RPH3A: variants seen among roughly 807,000 people sequenced by gnomAD.
The protein encoded by RPH3A is rabphilin-3A.
Under a neutral mutation model 102.2 loss-of-function variants are expected in RPH3A, and 48 were observed. The ratio of observed to expected loss-of-function variants is 0.47; its 90% CI spans 0.37 to 0.60. The LOEUF (loss-of-function observed/expected upper bound fraction) is 0.60. Ranked by LOEUF, RPH3A falls within the 20% of genes least tolerant of loss-of-function variation. The pLI is 0.00. For missense variants in RPH3A, 781 were observed against 910.1 expected (o/e 0.86, Z 1.83); for synonymous variants, 310 against 324.3 (o/e 0.96, Z 0.47).
chr12:112,710,821 ATTTT>A (rs1432529236), intron 1 of RPH3A, among the ~76,000 whole-genome samples: 2 of 152,124 alleles, frequency 1.3e-5, no homozygotes, highest in South Asian at 4.1e-4. Flanking sequence ...GTTTCTGTGT[ATTTT>A]TTATTACCCT....
At chr12:112,706,846 T>G (rs1246297128) in intron 1 of RPH3A, among the ~76,000 whole-genome samples, 1 of 152,178 alleles carries the variant, frequency 6.6e-6, no homozygotes, top group Non-Finnish European at 1.5e-5. Flanking sequence ...AGACTTAAGC[T>G]TACTCCTGCA....
chr12:112,716,816 A>G (rs2040516480), intron 1 of RPH3A, among the ~76,000 whole-genome samples: 2 of 152,110 alleles, frequency 1.3e-5, no homozygotes, highest in African/African-American at 4.8e-5. Flanking sequence ...AAAATTTATT[A>G]TTTTTTCCTG....
chr12:112,751,384 G>A (rs951881896), intron 1 of RPH3A, among the ~76,000 whole-genome samples: 1 of 152,204 alleles, frequency 6.6e-6, no homozygotes, highest in South Asian at 2.1e-4. Flanking sequence ...GTTTGTAGTT[G>A]TGTGACGTTG....
intron 1 of RPH3A, among the ~76,000 whole-genome samples, chr12:112,638,396 CAT>C (rs1381569717): frequency 2.6e-5 from 4 of 152,142 alleles, no homozygotes; most frequent in Admixed American, 6.5e-5. Context: ...GTTACTTACG[CAT>C]ATCTTATCCC....
intron 1 of RPH3A, among the ~76,000 whole-genome samples, chr12:112,694,710 T>C (rs975087787): frequency 1.3e-5 from 2 of 151,812 alleles, no homozygotes; most frequent in Admixed American, 1.3e-4. Flanking sequence ...AGATTCTGTT[T>C]ACTTGAAATG....
chr12:112,707,563 A>C (rs1329756182), intron 1 of RPH3A, among the ~76,000 whole-genome samples: 1 of 152,246 alleles, frequency 6.6e-6, no homozygotes, highest in Non-Finnish European at 1.5e-5. Flanking sequence ...TTGTCAGGAT[A>C]AATGAGAATA....
intron 1 of RPH3A, among the ~76,000 whole-genome samples, chr12:112,671,784 C>T (rs550204651): frequency 6.6e-6 from 1 of 151,950 alleles, no homozygotes; most frequent in South Asian, 2.1e-4. Flanking sequence ...ACATGAGTAG[C>T]CTCTGGAGGC....
At position 112,883,374 on chromosome 12, in the gene RPH3A, G is replaced by T; in HGVS notation, c.1408G>T (p.Asp470Tyr). The T allele has an allele frequency of 6.2e-7, 1 of 1,613,992 alleles. No homozygotes were observed. The highest frequency in any genetic ancestry group is 8.5e-7 in the Non-Finnish European group (1 of 1,179,918). ...NETLVYHGIT[D>Y]EDMQRKTLRI... ...GACCCTCGTGTATCACGGCATCACC[G>T]ATGAGGACATGCAAAGGAAGACCCT... The change falls in exon 16 of 22, where the codon GAT (aspartate) becomes TAT (tyrosine). Residue 470 changes from aspartate to tyrosine, a missense_variant. Asp to Tyr is a radical substitution (Grantham distance 160). Coordinates refer to ENST00000389385, the MANE Select transcript of RPH3A (RefSeq NM_001143854.2).
At chr12:112,771,549 T>C (rs937748030) in intron 1 of RPH3A, among the ~76,000 whole-genome samples, 1 of 152,216 alleles carries the variant, frequency 6.6e-6, no homozygotes, top group Non-Finnish European at 1.5e-5. Context: ...TTTGGGCATA[T>C]GTTTGAATAA....
chr12:112,763,278 C>T (rs928647156), intron 1 of RPH3A, among the ~76,000 whole-genome samples: 3 of 152,216 alleles, frequency 2.0e-5, no homozygotes, highest in Admixed American at 1.3e-4. Flanking sequence ...GAGTCAAACT[C>T]TGTAAAATAC....
chr12:112,744,837 C>T (rs1238342205), intron 1 of RPH3A, among the ~76,000 whole-genome samples: 2 of 152,122 alleles, frequency 1.3e-5, no homozygotes, highest in African/African-American at 2.4e-5. Context: ...AGTTTTGTTT[C>T]GTTTTGTTTT....
intron 1 of RPH3A, among the ~76,000 whole-genome samples, chr12:112,765,421 C>T (rs944240990): frequency 1.3e-5 from 2 of 152,036 alleles, no homozygotes; most frequent in Non-Finnish European, 2.9e-5. Flanking sequence ...AAGTAAAGAC[C>T]CCACAGTTCC....
At chr12:112,599,388 A>G (rs139529546) in intron 1 of RPH3A, among the ~76,000 whole-genome samples, 42 of 152,344 alleles carry the variant, frequency 2.8e-4, no homozygotes, top group African/African-American at 8.4e-4. Context: ...ATACAATGCA[A>G]CATTGCATCA....
At chr12:112,657,548 G>A (rs1282584251) in intron 1 of RPH3A, among the ~76,000 whole-genome samples, 1 of 152,114 alleles carries the variant, frequency 6.6e-6, no homozygotes, top group Non-Finnish European at 1.5e-5. Flanking sequence ...AAGCAAATGA[G>A]TAATGCGTTA....
chr12:112,693,328 G>C (rs1309569451), intron 1 of RPH3A, among the ~76,000 whole-genome samples: 1 of 152,112 alleles, frequency 6.6e-6, no homozygotes, highest in African/African-American at 2.4e-5. Flanking sequence ...GGTGACATGG[G>C]GTCACCTTTG....
chr12:112,811,298 T>C (rs1257291355), intron 2 of RPH3A, among the ~76,000 whole-genome samples: 2 of 152,222 alleles, frequency 1.3e-5, no homozygotes, highest in Admixed American at 1.3e-4. Flanking sequence ...CCTCATTTAA[T>C]ATACTGTTGA....
At chr12:112,728,412 TAATCA>T (rs1565862845) in intron 1 of RPH3A, among the ~76,000 whole-genome samples, 1 of 152,164 alleles carries the variant, frequency 6.6e-6, no homozygotes, top group Non-Finnish European at 1.5e-5. Flanking sequence ...ATAACCCTTA[TAATCA>T]TGGACAGGCA....
rs749571110 is a variant in RPH3A at position 112,883,373 on chromosome 12, C to A, written c.1407C>A (p.Thr469=). ...WNETLVYHGI[T]DEDMQRKTLR... The stretch of plus-strand genomic sequence containing the variant: ...AGACCCTCGTGTATCACGGCATCAC[C>A]GATGAGGACATGCAAAGGAAGACCC... Residue 469 remains threonine (T), a synonymous_variant, in exon 16 of 22, where the codon ACC becomes ACA. Transcript: ENST00000389385. The A allele has an allele frequency of 6.2e-7, 1 of 1,614,006 alleles. No homozygotes were observed. Among genetic ancestry groups the A allele is most frequent in the South Asian group, 1.1e-5 (1 of 91,062 alleles).
chr12:112,771,611 T>G (rs1240306110), intron 1 of RPH3A, among the ~76,000 whole-genome samples: 1 of 152,232 alleles, frequency 6.6e-6, no homozygotes, highest in African/African-American at 2.4e-5. Context: ...AGATGTGTAT[T>G]TAAAATATTG....
Sources: gnomAD v4.1 joint callset for allele counts (sites outside exome capture counted in the v4.1 genomes callset) on GRCh38, gnomAD v4.1.1 for gene constraint, MANE v1.5 for transcripts, NCBI Gene and HGNC (gene_info 2026-07-23, HGNC 2026-07-21) for gene names.